USP18: variants seen among roughly 807,000 people sequenced by gnomAD.
USP18 encodes ubiquitin specific peptidase 18, also known as ubl carboxyl-terminal hydrolase 18.
USP18 carries 11 observed loss-of-function variants against 48.7 expected under a neutral mutation model. The observed-to-expected ratio is 0.23, with a 90% confidence interval of 0.14 to 0.37. USP18 has a LOEUF of 0.37. Ranked by LOEUF, USP18 falls within the 10% of genes least tolerant of loss-of-function variation. The pLI, the probability that USP18 is intolerant of heterozygous loss-of-function variation, is 1.00. For missense variants in USP18, 285 were observed against 436.4 expected, an observed-to-expected ratio of 0.65 and a Z score of 3.09; for synonymous variants, 114 against 163.2, an observed-to-expected ratio of 0.70 and a Z score of 2.30.
At position 18,168,050 on chromosome 22, in the gene USP18, C is replaced by G; in HGVS notation, c.627+14C>G. On this transcript the variant is annotated intron_variant, in intron 6 of 10. Coordinates refer to ENST00000215794, the MANE Select transcript of USP18 (RefSeq NM_017414.4). Reference sequence around the variant, plus strand: ...CTGAAGACACTGGTAAGGGGATTCTCTTGGTATTTGCTGCCCCTGTATGTG... The same window carrying G: ...CTGAAGACACTGGTAAGGGGATTCTGTTGGTATTTGCTGCCCCTGTATGTG... 1 of 1,613,692 alleles carries G rather than the reference C, an allele frequency of 6.2e-7. No individual in the cohort carries two copies.
At chr22:18,162,313 A>G (rs1203662688) in intron 4 of USP18, among the ~76,000 whole-genome samples, 1 of 148,554 alleles carries the variant, frequency 6.7e-6, no homozygotes, top group African/African-American at 2.5e-5. Flanking sequence ...TTAGATAGCT[A>G]TATTGGGTTG....
chr22:18,165,621 G>A (rs1297281074), intron 4 of USP18, among the ~76,000 whole-genome samples: 4 of 151,758 alleles, frequency 2.6e-5, no homozygotes, highest in African/African-American at 9.7e-5. Context: ...GTAAATGGAG[G>A]TAGGCTGATG....
chr22:18,159,199 G>T (rs1336234615), intron 2 of USP18, among the ~76,000 whole-genome samples: 1 of 151,930 alleles, frequency 6.6e-6, no homozygotes, highest in Non-Finnish European at 1.5e-5. Flanking sequence ...GGGATTACAG[G>T]CATGCACCAC....
intron 4 of USP18, among the ~76,000 whole-genome samples, chr22:18,163,811 C>A (rs189126743): frequency 6.6e-6 from 1 of 152,086 alleles, no homozygotes; most frequent in African/African-American, 2.4e-5. Context: ...TGTTAGCGGC[C>A]CTCAGGAGAT....
chr22:18,157,567 C>T lies in USP18; in HGVS notation c.-97C>T. ...CATTGTATTTTCACAGAGATTCCAT[C>T]GTGCCTGGCTCACATAAGCGCTTCC... On this transcript the variant is annotated 5_prime_UTR_variant, in exon 2 of 11. Coordinates refer to ENST00000215794, the MANE Select transcript of USP18 (RefSeq NM_017414.4). The T allele has an allele frequency of 1.3e-6, 2 of 1,496,722 alleles. No homozygotes were observed. The highest frequency in any genetic ancestry group is 1.8e-6 in the Non-Finnish European group (2 of 1,096,016). The allele number at this position is 1,496,722 out of a possible 1,614,324, so 92.7% of individuals were successfully genotyped here.
At chr22:18,166,976 C>G (rs560701442) in intron 4 of USP18, among the ~76,000 whole-genome samples, 1 of 151,870 alleles carries the variant, frequency 6.6e-6, no homozygotes, top group Admixed American at 6.6e-5. Flanking sequence ...TGAGTTCAAG[C>G]GATCCTCCCA....
At chr22:18,166,475 A>G (rs1369391518) in intron 4 of USP18, among the ~76,000 whole-genome samples, 1 of 151,712 alleles carries the variant, frequency 6.6e-6, no homozygotes, top group East Asian at 1.9e-4. Flanking sequence ...CTGGGTGGCC[A>G]TGCTTTTCTG....
chr22:18,153,351 C>T (rs964131898), intron 1 of USP18, among the ~76,000 whole-genome samples: 26 of 149,788 alleles, frequency 1.7e-4, no homozygotes, highest in African/African-American at 4.9e-4. Flanking sequence ...AGTGCTTGAA[C>T]TCGGGAGGCA....
At chr22:18,166,913 A>G (rs1569211356) in intron 4 of USP18, among the ~76,000 whole-genome samples, 1 of 150,868 alleles carries the variant, frequency 6.6e-6, no homozygotes, top group Non-Finnish European at 1.5e-5. Flanking sequence ...ACTTTTTTAA[A>G]TTTTTTATCG....
At chr22:18,164,108 C>T (rs1006792193) in intron 4 of USP18, among the ~76,000 whole-genome samples, 10 of 152,230 alleles carry the variant, frequency 6.6e-5, no homozygotes, top group Admixed American at 1.3e-4. Flanking sequence ...TGCTTAGAGA[C>T]GGACAGGTTA....
chr22:18,160,495 G>C (rs1372183645), intron 3 of USP18, among the ~76,000 whole-genome samples: 1 of 151,512 alleles, frequency 6.6e-6, no homozygotes, highest in East Asian at 2.0e-4. Flanking sequence ...GTAGAGACGG[G>C]GTTTCACCGT....
At position 18,168,166 on chromosome 22, in the gene USP18, G is replaced by A. The variant is rs1000586643; in HGVS notation, c.627+130G>A. ...GAGGCTGGGAAGTCAAGGTTGAGGG[G>A]CTGCACCTGGTGAGGGCCTGCTTGC... On this transcript the variant is annotated intron_variant, in intron 6 of 10. Coordinates refer to ENST00000215794, the MANE Select transcript of USP18 (RefSeq NM_017414.4). 3 of 1,437,044 alleles carry A rather than the reference G, an allele frequency of 2.1e-6. No homozygotes were observed. In the African/African-American group the frequency reaches 4.3e-5, roughly 21 times the overall value. The allele number at this position is 1,437,044 out of a possible 1,614,324, so 89.0% of individuals were successfully genotyped here. A position where few individuals can be genotyped will look rare whatever the true frequency, so the allele number is the denominator to read the frequency against.
At chr22:18,164,720 G>A (rs1225635104) in intron 4 of USP18, among the ~76,000 whole-genome samples, 4 of 152,162 alleles carry the variant, frequency 2.6e-5, no homozygotes, top group East Asian at 1.9e-4. Flanking sequence ...AAGTGCTCAC[G>A]TGCCCGTTTA....
At chr22:18,166,766 G>A (rs1929487322) in intron 4 of USP18, among the ~76,000 whole-genome samples, 1 of 150,866 alleles carries the variant, frequency 6.6e-6, no homozygotes, top group African/African-American at 2.4e-5. Flanking sequence ...AAGTCCCTGT[G>A]GACATCTCAT....
intron 10 of USP18, among the ~76,000 whole-genome samples, chr22:18,174,369 A>AG (rs1403416721): frequency 6.6e-6 from 1 of 151,838 alleles, no homozygotes; most frequent in Non-Finnish European, 1.5e-5. Context: ...CTGGGACTAC[A>AG]GGTGTGTGCC....
chr22:18,164,778 AC>A (rs1929431957), intron 4 of USP18, among the ~76,000 whole-genome samples: 1 of 152,000 alleles, frequency 6.6e-6, no homozygotes, highest in Admixed American at 6.5e-5. Context: ...ATAACTGCTG[AC>A]CCATGTCTGC....
intron 9 of USP18, 82 bp downstream of exon 9, chr22:18,173,363 C>T (rs931570992): frequency 7.7e-5 from 121 of 1,576,752 alleles, no homozygotes; most frequent in Non-Finnish European, 9.4e-5. Flanking sequence ...GCGTGGGTCT[C>T]TGAGATCAAG....
chr22:18,152,694 G>A (rs188137983), intron 1 of USP18, among the ~76,000 whole-genome samples: 4 of 151,984 alleles, frequency 2.6e-5, no homozygotes, highest in East Asian at 1.9e-4. Context: ...CTCTCTGCTC[G>A]CCTTGCCCTC....
At chr22:18,151,427 T>C (rs1432902130) in intron 1 of USP18, among the ~76,000 whole-genome samples, 3 of 152,124 alleles carry the variant, frequency 2.0e-5, no homozygotes, top group Non-Finnish European at 4.4e-5. Context: ...TGAACAGAGT[T>C]GGATGGAGAG....
Sources: allele counts gnomAD v4.1 joint callset (sites outside exome capture counted in the v4.1 genomes callset), GRCh38; gene constraint gnomAD v4.1.1; transcripts MANE v1.5; gene names NCBI Gene and HGNC (gene_info 2026-07-23, HGNC 2026-07-21).